Variants in RARB observed in about 807,000 individuals in gnomAD.
The protein encoded by RARB is retinoic acid receptor beta, also known as HBV-activated protein.
In RARB, 17 loss-of-function variants were observed where a neutral mutation model predicts 51.9. That is an observed-to-expected ratio of 0.33 (90% confidence interval 0.22 to 0.49). RARB has a LOEUF of 0.49. RARB is among the 20% of genes least tolerant of loss of function. RARB has a pLI of 0.99. For synonymous variants in RARB, 215 were observed against 195.4 expected (o/e 1.10, Z -0.84); for missense variants, 369 against 550.8 (o/e 0.67, Z 3.30).
intron 2 of RARB, among the ~76,000 whole-genome samples, chr3:24,989,187 C>T (rs899963586): frequency 6.6e-5 from 10 of 152,118 alleles, no homozygotes; most frequent in Admixed American, 2.0e-4. Flanking sequence ...TTCTTATATA[C>T]GTGGTACTAC....
At chr3:25,032,439 T>G (rs761722778) in intron 2 of RARB, among the ~76,000 whole-genome samples, 1 of 152,210 alleles carries the variant, frequency 6.6e-6, no homozygotes, top group Non-Finnish European at 1.5e-5. Flanking sequence ...GTATCCCTTG[T>G]TGGTTTATAA....
At chr3:25,589,491 C>T (rs748213441) in intron 5 of RARB, among the ~76,000 whole-genome samples, 1 of 152,190 alleles carries the variant, frequency 6.6e-6, no homozygotes, top group Non-Finnish European at 1.5e-5. Context: ...GCATAGTACT[C>T]GAGCAGGAAT....
intron 5 of RARB, among the ~76,000 whole-genome samples, chr3:25,365,682 G>A (rs752993258): frequency 3.3e-5 from 5 of 152,266 alleles, no homozygotes; most frequent in South Asian, 4.1e-4. Flanking sequence ...ATTCATTTTC[G>A]TGTCTGTTAT....
chr3:25,200,656 A>G (rs981645111), intron 5 of RARB, among the ~76,000 whole-genome samples: 2 of 152,150 alleles, frequency 1.3e-5, no homozygotes, highest in Non-Finnish European at 2.9e-5. Context: ...AGCTTTCTAC[A>G]TATGGCTAGC....
chr3:25,119,459 C>T (rs772658249), intron 3 of RARB, among the ~76,000 whole-genome samples: 2 of 151,920 alleles, frequency 1.3e-5, no homozygotes, highest in African/African-American at 2.4e-5. Context: ...GCAAAGTAAT[C>T]GATGTTAAGA....
At chr3:25,480,665 A>C (rs920059895) in intron 2 of RARB, among the ~76,000 whole-genome samples, 1 of 152,206 alleles carries the variant, frequency 6.6e-6, no homozygotes, top group African/African-American at 2.4e-5. Context: ...AAATCAGCCC[A>C]TTGAGAAGTT....
chr3:25,300,010 T>G (rs1704003213), intron 5 of RARB, among the ~76,000 whole-genome samples: 1 of 152,224 alleles, frequency 6.6e-6, no homozygotes, highest in South Asian at 2.1e-4. Context: ...TTTAATTCAT[T>G]TGATTCGATT....
At chr3:25,493,810 G>A (rs1696868628) in intron 2 of RARB, among the ~76,000 whole-genome samples, 1 of 152,126 alleles carries the variant, frequency 6.6e-6, no homozygotes, top group Non-Finnish European at 1.5e-5. Context: ...TTTTTAAAAA[G>A]CCTTAATTCC....
Position 24,994,004 on chromosome 3 carries a change from C to G in RARB, c.-379-66121C>G, listed in dbSNP as rs181302534. Among the ~76,000 whole-genome samples, 484 of 152,186 alleles carry G rather than the reference C, an allele frequency of 3.2e-3. 1 individual carries two copies. Among genetic ancestry groups the G allele is most frequent in the Non-Finnish European group, 5.6e-3 (378 of 67,966 alleles). On this transcript the variant is annotated intron_variant, in intron 2 of 11. Transcript: ENST00000383772. ...TGTCTTTGAAACAATGATTTTCTTT[C>G]CTTTGGATAAATTCCCAGTAGTGGA... is the stretch of plus-strand genomic sequence containing the variant.
intron 3 of RARB, among the ~76,000 whole-genome samples, chr3:25,527,157 T>C (rs1040224893): frequency 1.3e-5 from 2 of 152,212 alleles, no homozygotes; most frequent in African/African-American, 2.4e-5. Context: ...CCTGACATTC[T>C]GGATTCCAAC....
intron 2 of RARB, among the ~76,000 whole-genome samples, chr3:25,029,224 A>G (rs4345036): frequency 0.59 from 89,838 of 152,010 alleles, 26,913 homozygotes; most frequent in East Asian, 0.87. Flanking sequence ...AAGACTTCAC[A>G]CTCAAACTGA....
chr3:25,007,128 C>T (rs1040502874), intron 2 of RARB, among the ~76,000 whole-genome samples: 1 of 152,108 alleles, frequency 6.6e-6, no homozygotes, highest in Non-Finnish European at 1.5e-5. Context: ...CCAAAAGATA[C>T]AACATGAATG....
chr3:25,140,601 T>C (rs1700093169), intron 4 of RARB, among the ~76,000 whole-genome samples: 1 of 152,160 alleles, frequency 6.6e-6, no homozygotes, highest in Non-Finnish European at 1.5e-5. Context: ...ATTGTTGAAA[T>C]GACAACGAAA....
chr3:25,233,361 A>G (rs546329032), intron 5 of RARB, among the ~76,000 whole-genome samples: 1 of 151,590 alleles, frequency 6.6e-6, no homozygotes, highest in African/African-American at 2.4e-5. Context: ...AAAACAAGTG[A>G]TTTTTTTTTA....
At chr3:24,888,296 A>G (rs1325148021) in intron 2 of RARB, among the ~76,000 whole-genome samples, 2 of 152,204 alleles carry the variant, frequency 1.3e-5, no homozygotes, top group African/African-American at 2.4e-5. Flanking sequence ...TTTTATATAT[A>G]TTGATTTGTT....
At chr3:25,073,598 C>A (rs1383621887) in intron 3 of RARB, among the ~76,000 whole-genome samples, 1 of 152,098 alleles carries the variant, frequency 6.6e-6, no homozygotes, top group East Asian at 1.9e-4. Context: ...CTCATCTGAC[C>A]CTTGGACCCC....
At chr3:25,001,842 T>A (rs1241355665) in intron 2 of RARB, among the ~76,000 whole-genome samples, 1 of 152,146 alleles carries the variant, frequency 6.6e-6, no homozygotes, top group Non-Finnish European at 1.5e-5. Flanking sequence ...ATCCATGTGT[T>A]CCATACATCA....
At chr3:25,573,419 A>C (rs80307993) in intron 4 of RARB, among the ~76,000 whole-genome samples, 7,964 of 152,286 alleles carry the variant, frequency 0.052, 233 homozygotes, top group Non-Finnish European at 0.068. Context: ...CCAGTCAGGC[A>C]GAAAAACAGA....
chr3:24,859,052 A>AG (rs1702689683), intron 2 of RARB, among the ~76,000 whole-genome samples: 2 of 92,166 alleles, frequency 2.2e-5, no homozygotes, highest in Non-Finnish European at 4.5e-5. Flanking sequence ...AAAAAAAAAA[A>AG]AAAAAGAAAA....
Sources: allele counts gnomAD v4.1 joint callset (sites outside exome capture counted in the v4.1 genomes callset), GRCh38; gene constraint gnomAD v4.1.1; transcripts MANE v1.5; gene names NCBI Gene and HGNC (gene_info 2026-07-23, HGNC 2026-07-21).